CRB2: variants seen among roughly 807,000 people sequenced by gnomAD.
CRB2 encodes the protein crumbs cell polarity complex component 2.
CRB2 carries 85 observed loss-of-function variants against 110.9 expected under a neutral mutation model. That is an observed-to-expected ratio of 0.77 (90% CI 0.64 to 0.92). CRB2 has a LOEUF of 0.92. Ranked by LOEUF, CRB2 falls within the 40% of genes least tolerant of loss-of-function variation. CRB2 has a pLI of 0.00. For synonymous variants in CRB2, 907 were observed against 831.0 expected (o/e 1.09, Z -1.57); for missense variants, 1,843 against 1,851.3 (o/e 1.00, Z 0.08).
In CRB2 at chr9:123,373,702, G is replaced by A. The variant is rs2042056112; in HGVS notation, c.3171G>A (p.Ala1057=). The change falls in exon 10 of 13, where the codon GCG becomes GCA. Residue 1057 remains alanine, a synonymous_variant. Coordinates refer to ENST00000373631, the MANE Select transcript of CRB2 (RefSeq NM_173689.7). ...TPAPILGCRG[A]PVCAPSPCLH... is the part of the protein sequence containing the mutation. ...CCCCGATCCTCGGCTGCCGCGGCGC[G>A]CCCGTGTGTGCGCCCTCGCCCTGTC... 13 of 1,501,462 alleles carry A rather than the reference G, an allele frequency of 8.7e-6. No homozygotes were observed. In the South Asian group the frequency reaches 1.4e-4, roughly 16 times the overall value. The allele number at this position is 1,501,462 out of a possible 1,614,324, so 93.0% of individuals were successfully genotyped here.
At position 123,373,721 on chromosome 9, in the gene CRB2, C is replaced by A. The variant is rs868484209; in HGVS notation, c.3190C>A (p.Pro1064Thr). 1.9e-6 allele frequency: 3 copies of A among 1,562,734 alleles called. No homozygotes were observed. The highest frequency in any genetic ancestry group is 2.6e-6 in the Non-Finnish European group (3 of 1,165,266). The change falls in exon 10 of 13, where the codon CCC becomes ACC. Residue 1064 changes from proline (P) to threonine (T), a missense_variant. Coordinates refer to ENST00000373631, the MANE Select transcript of CRB2 (RefSeq NM_173689.7). ...CRGAPVCAPS[P>T]CLHDGACRDL... ...CGGCGCGCCCGTGTGTGCGCCCTCG[C>A]CCTGTCTGCACGACGGTGCCTGCCG...
At chr9:123,355,581 G>GGGT (rs1231595932), upstream of CRB2, among the ~76,000 whole-genome samples, 18 of 150,456 alleles carry the variant, frequency 1.2e-4, no homozygotes, top group African/African-American at 3.9e-4. Flanking sequence ...GGGTGGGACG[G>GGGT]GGTGGGGACA....
Position 123,373,314 on chromosome 9 carries a change from C to G in CRB2, c.2783C>G (p.Ser928Trp), listed in dbSNP as rs1165873398. The G allele has an allele frequency of 6.8e-7, 1 of 1,460,766 alleles. No individual in the cohort carries two copies. Among genetic ancestry groups the G allele is most frequent in the South Asian group, 1.3e-5 (1 of 74,976 alleles). 90.5% of individuals were successfully genotyped at this position (1,460,766 alleles called of 1,614,324 possible). A position where few individuals can be genotyped will look rare whatever the true frequency, so the allele number is the denominator to read the frequency against. ...GTGTGGCTGGCGGTGCGCAATGGCT[C>G]GCTGGCGGGGGGCGTGCGCGGAGGC... ...EGVWLAVRNG[S>W]LAGGVRGGHG... The change falls in exon 10 of 13, where the codon TCG becomes TGG. Residue 928 changes from serine (S) to tryptophan (W), a missense_variant. Transcript: ENST00000373631.
chr9:123,366,599 G>C (rs1171605406), intron 4 of CRB2, among the ~76,000 whole-genome samples: 2 of 152,222 alleles, frequency 1.3e-5, no homozygotes, highest in Admixed American at 6.5e-5. Context: ...TGCGACGCCT[G>C]GGAAGCCCTT....
chr9:123,371,211 A>T lies in CRB2; in HGVS notation c.2069A>T (p.Asn690Ile). 1 of 1,613,892 alleles carries T rather than the reference A, an allele frequency of 6.2e-7. No homozygotes were observed. The highest frequency in any genetic ancestry group is 8.5e-7 in the Non-Finnish European group (1 of 1,180,026). Residue 690 changes from asparagine (N) to isoleucine (I), a missense_variant, in exon 8 of 13, where the codon AAT becomes ATT. Transcript: ENST00000373631. ...ESAGLLLQFA[N>I]DSAAGLTVFL... ...GCTGGCCTGTTGCTCCAGTTTGCCA[A>T]TGACTCCGCAGCTGGCCTAACAGTA...
At chr9:123,366,942 C>CT (rs2041940859) in intron 4 of CRB2, among the ~76,000 whole-genome samples, 1 of 50,288 alleles carries the variant, frequency 2.0e-5, no homozygotes, top group Non-Finnish European at 4.6e-5. Flanking sequence ...GAGATTCTAT[C>CT]TCAAAAAAAA....
Position 123,378,202 on chromosome 9 carries a change from C to T in CRB2, c.*1140C>T, listed in dbSNP as rs1450891378. The T allele has an allele frequency of 1.3e-5, 2 of 152,228 alleles. No homozygotes were observed. The highest frequency in any genetic ancestry group is 2.9e-5 in the Non-Finnish European group (2 of 68,064). The allele number at this position is 152,228 out of a possible 1,614,324, so 9.4% of individuals were successfully genotyped here. A position where few individuals can be genotyped will look rare whatever the true frequency, so the allele number is the denominator to read the frequency against. ...GTGAACACTGGCGCTGCCTCTGAGT[C>T]GGGGCTGGGCCTGCAGAGGCCGACT... On this transcript the variant is annotated 3_prime_UTR_variant, in exon 13 of 13. Coordinates refer to ENST00000373631, the MANE Select transcript of CRB2 (RefSeq NM_173689.7).
intron 5 of CRB2, 67 bp downstream of exon 5, chr9:123,367,424 C>A (rs2041950738): frequency 2.2e-6 from 2 of 923,928 alleles, no homozygotes; most frequent in African/African-American, 3.3e-5. Context: ...TGTGCCCACC[C>A]CCCCACCCCC....
chr9:123,367,030 G>A (rs926985237), intron 4 of CRB2, 142 bp from the exon 5 acceptor site: 12 of 748,882 alleles, frequency 1.6e-5, no homozygotes, highest in South Asian at 4.1e-5. Context: ...TCATTCCTGC[G>A]GCCCTTAGTG....
At chr9:123,376,768 C>T in intron 12 of CRB2, 70 bp from the exon 13 acceptor site, 1 of 1,401,402 alleles carries the variant, frequency 7.1e-7, no homozygotes, top group Non-Finnish European at 9.8e-7. Flanking sequence ...GCTGCGCTCT[C>T]TGCTCTCTGA....
At chr9:123,378,805 G>GTTTTTTTTGTTTTTTTT (rs2042150128), downstream of CRB2, 1 of 100,982 alleles carries the variant, frequency 9.9e-6, no homozygotes, top group Non-Finnish European at 1.8e-5. Flanking sequence ...CCTGTTTTTT[G>GTTTTTTTTGTTTTTTTT]TTTTTTTTTT....
chr9:123,359,743 C>T (rs182637877), intron 1 of CRB2, among the ~76,000 whole-genome samples: 2 of 152,250 alleles, frequency 1.3e-5, no homozygotes, highest in East Asian at 3.9e-4. Flanking sequence ...AGCCACTGCA[C>T]CTGGCTTCAG....
chr9:123,358,995 C>G (rs928638987), intron 1 of CRB2, among the ~76,000 whole-genome samples: 22 of 152,152 alleles, frequency 1.4e-4, no homozygotes, highest in South Asian at 6.2e-4. Flanking sequence ...CTGTCTCCCC[C>G]TCACTTCAGG....
Position 123,373,688 on chromosome 9 carries a change from G to A in CRB2, c.3157G>A (p.Gly1053Ser), listed in dbSNP as rs1282548398. ...SWPGTPAPIL[G>S]CRGAPVCAPS... The stretch of plus-strand genomic sequence containing the variant: ...GCCTGGGACGCCGGCCCCGATCCTC[G>A]GCTGCCGCGGCGCGCCCGTGTGTGC... The change falls in exon 10 of 13, where the codon GGC becomes AGC. Residue 1053 changes from glycine (G) to serine (S), a missense_variant. Transcript: ENST00000373631. The A allele has an allele frequency of 2.0e-6, 3 of 1,475,150 alleles. No individual in the cohort carries two copies. The highest frequency in any genetic ancestry group is 2.5e-5 in the Admixed American group (1 of 39,928). The allele number at this position is 1,475,150 out of a possible 1,614,324, so 91.4% of individuals were successfully genotyped here. A position where few individuals can be genotyped will look rare whatever the true frequency, so the allele number is the denominator to read the frequency against.
chr9:123,375,419 G>C, intron 12 of CRB2, 76 bp downstream of exon 12: 3 of 1,463,622 alleles, frequency 2.0e-6, no homozygotes, highest in Non-Finnish European at 2.7e-6. Context: ...GGGAGAGAGC[G>C]CAGCACCATG....
intron 12 of CRB2, 82 bp downstream of exon 12, chr9:123,375,425 CCATGGGGCT>C (rs1360526241): frequency 1.1e-5 from 16 of 1,433,384 alleles, no homozygotes; most frequent in Non-Finnish European, 1.5e-5. Flanking sequence ...GAGCGCAGCA[CCATGGGGCT>C]GTTCCTGGGC....
In CRB2 at chr9:123,372,269, C is replaced by G; in HGVS notation, c.2529C>G (p.Ala843=). The change falls in exon 9 of 13, where the codon GCC becomes GCG. Residue 843 remains alanine (A), a synonymous_variant. Transcript: ENST00000373631. ...CCAATTTCACGGGGCCTACGTGTGC[C>G]CAGCAGCTGTGGTGTCCCGGCCAGC... ...CPANFTGPTC[A]QQLWCPGQPC... 6.2e-7 allele frequency: 1 copy of G among 1,613,758 alleles called. No individual in the cohort carries two copies. The highest frequency in any genetic ancestry group is 8.5e-7 in the Non-Finnish European group (1 of 1,179,826).
At chr9:123,369,548 C>G (rs1359837237) in intron 6 of CRB2, among the ~76,000 whole-genome samples, 1 of 151,970 alleles carries the variant, frequency 6.6e-6, no homozygotes, top group Non-Finnish European at 1.5e-5. Flanking sequence ...TCCAAGCAGA[C>G]AGAACAGTAT....
intron 6 of CRB2, among the ~76,000 whole-genome samples, chr9:123,368,375 G>T (rs1034153578): frequency 4.6e-5 from 7 of 152,186 alleles, no homozygotes; most frequent in Non-Finnish European, 1.0e-4. Context: ...CACTCCTGGG[G>T]GTCCCGAAGG....
Sources: allele counts gnomAD v4.1 joint callset (sites outside exome capture counted in the v4.1 genomes callset), GRCh38; gene constraint gnomAD v4.1.1; transcripts MANE v1.5; gene names NCBI Gene and HGNC (gene_info 2026-07-23, HGNC 2026-07-21).